Variants in INTS6 observed in about 807,000 individuals in gnomAD.
INTS6 encodes the protein integrator complex subunit 6.
A neutral mutation model predicts 104.9 loss-of-function variants in INTS6; 16 were observed. The observed-to-expected ratio is 0.15, with a 90% CI of 0.10 to 0.23. INTS6 has a LOEUF of 0.23. Ranked by LOEUF, INTS6 falls within the 10% of genes least tolerant of loss-of-function variation. INTS6 has a pLI of 1.00. For synonymous variants in INTS6, 324 were observed against 358.7 expected, an observed-to-expected ratio of 0.90 and a Z score of 1.09; for missense variants, 584 against 1,062.8, an observed-to-expected ratio of 0.55 and a Z score of 6.26.
rs775272150 is a variant in INTS6, at chr13:51,374,342, C to A, written c.1970G>T (p.Arg657Leu). ...EPNMQGIPKR[R>L]RCMSPLLRGR... ...TCTTAGTAGTGGAGACATACACCGA[C>A]GTCTTTTAGGGATCCCTTGCATATT... is the stretch of plus-strand genomic sequence containing the variant. Residue 657 changes from arginine to leucine, a missense_variant, in exon 15 of 18, where the codon CGT becomes CTT. Arg to Leu is a moderately radical substitution (Grantham distance 102). Around this residue, in one of 5 missense-constraint regions of INTS6, gnomAD observed 296 missense variants for 437.0 expected, o/e 0.68. Transcript: ENST00000311234. 6.2e-7 allele frequency: 1 copy of A among 1,614,040 alleles called. No individual in the cohort carries two copies. The highest frequency in any genetic ancestry group is 1.1e-5 in the South Asian group (1 of 91,084).
chr13:51,334,958 G>A, the INTS6 span, among the ~76,000 whole-genome samples: 1 of 148,342 alleles, frequency 6.7e-6, no homozygotes, highest in African/African-American at 2.5e-5. Context: ...ACTCCAGCCT[G>A]GGTGACAGAG....
intron 4 of INTS6, among the ~76,000 whole-genome samples, chr13:51,398,497 T>C (rs1200706115): frequency 6.6e-6 from 1 of 152,128 alleles, no homozygotes; most frequent in Non-Finnish European, 1.5e-5. Flanking sequence ...CAAATTAAAA[T>C]ATTGATATCA....
rs1446271579 is a variant in INTS6, at chr13:51,429,783, A to AT, written c.429+510_429+511insA. ...TGTCTCAAAAAAAAAAAAAAAAAAAAAAATATATATATATATATATATATA... is the reference window on the plus strand; with the variant it reads ...TGTCTCAAAAAAAAAAAAAAAAAAAATAAATATATATATATATATATATATA... On this transcript the variant is annotated intron_variant, in intron 4 of 17. Transcript: ENST00000311234. Among the ~76,000 whole-genome samples the AT allele has an allele frequency of 1.1e-4, 13 of 122,810 alleles. No individual in the cohort carries two copies. The East Asian group carries it at 2.0e-3, about 19-fold the overall frequency. The allele number at this position is 122,810 out of a possible 152,430, so 80.6% of individuals were successfully genotyped here. A position where few individuals can be genotyped will look rare whatever the true frequency, so the allele number is the denominator to read the frequency against.
At chr13:51,417,466 T>C (rs952227399) in intron 4 of INTS6, among the ~76,000 whole-genome samples, 2 of 149,198 alleles carry the variant, frequency 1.3e-5, no homozygotes, top group African/African-American at 2.5e-5. Context: ...TTTTTTTTTT[T>C]TTTTTTGAGA....
intron 4 of INTS6, among the ~76,000 whole-genome samples, chr13:51,427,397 C>T (rs979308629): frequency 2.6e-5 from 4 of 152,086 alleles, no homozygotes; most frequent in Non-Finnish European, 4.4e-5. Context: ...CATTCATGCA[C>T]GTGCACAATA....
downstream of INTS6, among the ~76,000 whole-genome samples, chr13:51,359,007 G>A (rs958894265): frequency 6.6e-6 from 1 of 152,070 alleles, no homozygotes; most frequent in African/African-American, 2.4e-5. Context: ...GCAGCTCTAA[G>A]AAGTCCCCTA....
intron 7 of INTS6, chr13:51,384,494 G>A: frequency 2.6e-6 from 1 of 386,958 alleles, no homozygotes. Flanking sequence ...TTATACCCTG[G>A]TGGTTCACAA....
In INTS6 at chr13:51,364,409, T is replaced by C; in HGVS notation, c.*1343A>G. ...GCTAAGGGTATGTGATTTTCAATAT[T>C]ATAAACCTAAAAATACTTCAGTTTT... On this transcript the variant is annotated 3_prime_UTR_variant, in exon 18 of 18. Coordinates refer to ENST00000311234, the MANE Select transcript of INTS6 (RefSeq NM_012141.3). The C allele has an allele frequency of 3.9e-6, 2 of 508,612 alleles. No individual in the cohort carries two copies. Among genetic ancestry groups the C allele is most frequent in the Non-Finnish European group, 6.7e-6 (2 of 296,418 alleles). The allele number at this position is 508,612 out of a possible 1,614,324, so 31.5% of individuals were successfully genotyped here.
chr13:51,392,470 AC>A (rs1186057685), intron 5 of INTS6, among the ~76,000 whole-genome samples: 1 of 152,010 alleles, frequency 6.6e-6, no homozygotes, highest in East Asian at 1.9e-4. Context: ...ACCTCTCTAA[AC>A]CTAGCTATTA....
chr13:51,395,493 G>A lies in INTS6; in HGVS notation c.430-10C>T, dbSNP rs1239840255. ...TAAGAGGTAAATGAAGCTGAAAGTA[G>A]GGGGGAAAAACAGTAATAAGAATTC... On this transcript the variant is annotated splice_polypyrimidine_tract_variant and intron_variant, in intron 4 of 17. Transcript: ENST00000311234. The A allele has an allele frequency of 6.2e-7, 1 of 1,602,322 alleles. No homozygotes were observed.
chr13:51,384,963 A>G (rs1956113925), intron 7 of INTS6: 1 of 249,424 alleles, frequency 4.0e-6, no homozygotes, highest in Non-Finnish European at 8.0e-6. Context: ...ATAGGATCAT[A>G]TAATTTCCCT....
intron 9 of INTS6, among the ~76,000 whole-genome samples, chr13:51,382,489 T>C (rs112844897): frequency 0.011 from 1,726 of 152,336 alleles, 25 homozygotes; most frequent in East Asian, 0.071. Flanking sequence ...TGTGATTTCA[T>C]GGAAGGTAAG....
At chr13:51,382,231 G>A in intron 9 of INTS6, 108 bp from the exon 10 acceptor site, 1 of 521,424 alleles carries the variant, frequency 1.9e-6, no homozygotes, top group Non-Finnish European at 3.3e-6. Flanking sequence ...TTTTGAGAGA[G>A]TAACATCAGA....
Position 51,387,393 on chromosome 13 carries a change from G to A in INTS6, c.887C>T (p.Pro296Leu), listed in dbSNP as rs1421249143. 7 of 1,609,970 alleles carry A rather than the reference G, an allele frequency of 4.3e-6. No homozygotes were observed. The highest frequency in any genetic ancestry group is 1.7e-6 in the Non-Finnish European group (2 of 1,177,890). ...ACAGTCTCTGGTACTTACTAGTGTT[G>A]GCGAATTTTGATCTGGCCAAAAAGA... ...PESFWPDQNS[P>L]TLPPRTSHPV... Residue 296 changes from proline to leucine, a missense_variant, in exon 7 of 18, where the codon CCA becomes CTA. Coordinates refer to ENST00000311234, the MANE Select transcript of INTS6 (RefSeq NM_012141.3).
chr13:51,375,734 G>GGT (rs71684515), intron 13 of INTS6, among the ~76,000 whole-genome samples: 27,079 of 147,532 alleles, frequency 0.18, 2,395 homozygotes, highest in South Asian at 0.25. Context: ...TTGATAAGTG[G>GGT]GTGTGTGTGT....
chr13:51,452,744 C>T lies in INTS6; in HGVS notation c.-219G>A. The T allele has an allele frequency of 1.6e-6, 2 of 1,238,946 alleles. No homozygotes were observed. The highest frequency in any genetic ancestry group is 2.0e-6 in the Non-Finnish European group (2 of 986,368). 76.7% of individuals were successfully genotyped at this position (1,238,946 alleles called of 1,614,324 possible). ...AGTGCTCCCCGTCGTACCCCCGCCT[C>T]CGCCTCCTCCTGCCTGCCTGCCCGC... On this transcript the variant is annotated 5_prime_UTR_variant, in exon 1 of 18. Transcript: ENST00000311234. The surrounding 1 kb of genome is among the most constrained non-coding windows in gnomAD (Gnocchi z 4.2).
chr13:51,367,905 GCAAAAGAAA>G lies in INTS6; in HGVS notation c.2477-16_2477-8del, dbSNP rs772334598. On this transcript the variant is annotated splice_region_variant and splice_polypyrimidine_tract_variant and intron_variant, in intron 16 of 17. Transcript: ENST00000311234. Reference sequence around the variant, plus strand: ...GTGAAGATTCTTTCATATTCTTAAAGCAAAAGAAACAAAAAGAAAAATTAAGTGCCTTTC... The same window carrying G: ...GTGAAGATTCTTTCATATTCTTAAAGCAAAAAGAAAAATTAAGTGCCTTTC... 6.6e-7 allele frequency: 1 copy of G among 1,514,720 alleles called. No homozygotes were observed. Among genetic ancestry groups the G allele is most frequent in the Non-Finnish European group, 8.9e-7 (1 of 1,127,488 alleles). The allele number at this position is 1,514,720 out of a possible 1,614,324, so 93.8% of individuals were successfully genotyped here.
chr13:51,410,451 T>TCAGCAATGAGGAAATGATA lies in INTS6; in HGVS notation c.430-14987_430-14969dup, dbSNP rs1370496352. Among the ~76,000 whole-genome samples the TCAGCAATGAGGAAATGATA allele has an allele frequency of 4.7e-4, 71 of 152,174 alleles. 1 individual carries two copies. Among genetic ancestry groups the TCAGCAATGAGGAAATGATA allele is most frequent in the Non-Finnish European group, 8.7e-4 (59 of 68,018 alleles). ...GGCTAATTGACTCAATAAAGATGCT[T>TCAGCAATGAGGAAATGATA]CAGCAATGAGGAAATGATAATCTCT... On this transcript the variant is annotated intron_variant, in intron 4 of 17. Transcript: ENST00000311234.
chr13:51,433,837 TATA>T (rs768118859), intron 3 of INTS6, among the ~76,000 whole-genome samples: 16 of 152,204 alleles, frequency 1.1e-4, no homozygotes, highest in Non-Finnish European at 7.3e-5. Flanking sequence ...CTGAAATTAC[TATA>T]ATAACAATAA....
Sources: gnomAD v4.1 joint callset for allele counts (sites outside exome capture counted in the v4.1 genomes callset) on GRCh38, gnomAD v4.1.1 for gene constraint, gnomAD v4.1.1 regional missense constraint, Gnocchi (gnomAD v3.1) non-coding constraint, MANE v1.5 for transcripts, NCBI Gene and HGNC (gene_info 2026-07-23, HGNC 2026-07-21) for gene names.